The following LANCL2 variants were observed in gnomAD, a reference collection of about 807,000 sequenced individuals.
LANCL2 encodes the protein LanC like glutathione S-transferase 2.
In LANCL2, 33 loss-of-function variants were observed where a neutral mutation model predicts 56.9. The ratio of observed to expected loss-of-function variants is 0.58; its 90% confidence interval spans 0.44 to 0.78. LANCL2 has a LOEUF of 0.78. Ranked by LOEUF, LANCL2 falls within the 30% of genes least tolerant of loss-of-function variation. The pLI is 0.00. For missense variants in LANCL2, 562 were observed against 580.2 expected, an observed-to-expected ratio of 0.97 and a Z score of 0.32; for synonymous variants, 233 against 228.2, an observed-to-expected ratio of 1.02 and a Z score of -0.19.
chr7:55,411,143 C>A (rs1014870734), intron 5 of LANCL2, among the ~76,000 whole-genome samples: 1 of 152,230 alleles, frequency 6.6e-6, no homozygotes, highest in Non-Finnish European at 1.5e-5. Flanking sequence ...CTTAGCCCAG[C>A]TTTGCCATCT....
At chr7:55,381,284 G>A (rs778180612) in intron 1 of LANCL2, among the ~76,000 whole-genome samples, 3 of 152,170 alleles carry the variant, frequency 2.0e-5, no homozygotes, top group Admixed American at 6.5e-5. Flanking sequence ...ACTCAGTGGC[G>A]GCAGGGGTTG....
chr7:55,393,319 G>C (rs1790213195), intron 2 of LANCL2, among the ~76,000 whole-genome samples: 1 of 152,176 alleles, frequency 6.6e-6, no homozygotes, highest in Non-Finnish European at 1.5e-5. Flanking sequence ...GATCACTTGA[G>C]CTCAGGAGTT....
chr7:55,393,634 TG>T (rs1417658770), intron 2 of LANCL2, among the ~76,000 whole-genome samples: 1 of 152,214 alleles, frequency 6.6e-6, no homozygotes, highest in African/African-American at 2.4e-5. Context: ...TTGATAATAT[TG>T]TATTTGTATT....
At chr7:55,410,474 T>A (rs1487481325) in intron 5 of LANCL2, among the ~76,000 whole-genome samples, 4 of 152,230 alleles carry the variant, frequency 2.6e-5, no homozygotes, top group Non-Finnish European at 4.4e-5. Context: ...GAAATGAGGT[T>A]TTTATTTCAT....
chr7:55,424,033 G>T (rs1018740997), intron 6 of LANCL2, among the ~76,000 whole-genome samples: 5 of 152,168 alleles, frequency 3.3e-5, no homozygotes, highest in Non-Finnish European at 7.3e-5. Flanking sequence ...CTTCTCGGCT[G>T]AGTGTCCAGC....
intron 1 of LANCL2, among the ~76,000 whole-genome samples, chr7:55,376,511 C>T (rs1363825331): frequency 2.6e-5 from 4 of 152,202 alleles, no homozygotes; most frequent in Non-Finnish European, 5.9e-5. Context: ...CACCAGGAAG[C>T]CCCCTGACGG....
At chr7:55,430,126 G>A (rs1790712357) in intron 8 of LANCL2, among the ~76,000 whole-genome samples, 1 of 152,192 alleles carries the variant, frequency 6.6e-6, no homozygotes, top group South Asian at 2.1e-4. Context: ...GCTTGTTATG[G>A]GTCCCTGTTT....
chr7:55,392,445 G>A (rs1790202869), intron 2 of LANCL2, among the ~76,000 whole-genome samples: 1 of 151,486 alleles, frequency 6.6e-6, no homozygotes, highest in Non-Finnish European at 1.5e-5. Flanking sequence ...TGACCTCCTG[G>A]GCTCAAACCA....
At chr7:55,389,306 A>G (rs1790159799) in intron 1 of LANCL2, among the ~76,000 whole-genome samples, 2 of 152,294 alleles carry the variant, frequency 1.3e-5, no homozygotes, top group Middle Eastern at 3.4e-3. Context: ...ACTGAACTGC[A>G]GTTTCTCTTA....
intron 2 of LANCL2, among the ~76,000 whole-genome samples, chr7:55,394,517 A>G (rs906373951): frequency 2.0e-5 from 3 of 152,210 alleles, no homozygotes; most frequent in Admixed American, 6.5e-5. Context: ...CCATGATTAC[A>G]CTGCTGCACT....
intron 5 of LANCL2, 129 bp downstream of exon 5, chr7:55,401,449 C>G: frequency 1.6e-6 from 1 of 609,250 alleles, no homozygotes; most frequent in Non-Finnish European, 2.7e-6. Context: ...GTAACTCTGC[C>G]ACATAAACCA....
At chr7:55,405,489 AC>A (rs1790394850) in intron 5 of LANCL2, among the ~76,000 whole-genome samples, 1 of 143,606 alleles carries the variant, frequency 7.0e-6, no homozygotes. Flanking sequence ...TGGTTCAGGA[AC>A]TTTTTTTTTT....
chr7:55,366,341 G>T lies in LANCL2; in HGVS notation c.204+112G>T, dbSNP rs1009513995. 4 of 901,172 alleles carry T rather than the reference G, an allele frequency of 4.4e-6. No individual in the cohort carries two copies. In the South Asian group the frequency reaches 5.7e-5, roughly 13 times the overall value. The allele number at this position is 901,172 out of a possible 1,614,324, so 55.8% of individuals were successfully genotyped here. On this transcript the variant is annotated intron_variant, in intron 1 of 8. Transcript: ENST00000254770. ...CGCGCGCCGGGCTTGGGAGGGCGCGGGATGATAGCGCCTAGCACCTGTCTC... is the reference window on the plus strand; with the variant it reads ...CGCGCGCCGGGCTTGGGAGGGCGCGTGATGATAGCGCCTAGCACCTGTCTC...
At chr7:55,407,450 AAGTT>A (rs1790421461) in intron 5 of LANCL2, among the ~76,000 whole-genome samples, 1 of 152,154 alleles carries the variant, frequency 6.6e-6, no homozygotes, top group Non-Finnish European at 1.5e-5. Context: ...CCCCATTAAA[AAGTT>A]AGTCTGCCAT....
At chr7:55,427,046 C>T (rs748561798) in intron 7 of LANCL2, among the ~76,000 whole-genome samples, 2 of 152,170 alleles carry the variant, frequency 1.3e-5, no homozygotes, top group South Asian at 4.1e-4. Flanking sequence ...CTGCAGAGCA[C>T]GAACCAGCTC....
intron 6 of LANCL2, among the ~76,000 whole-genome samples, chr7:55,423,662 T>C (rs935783776): frequency 1.3e-5 from 2 of 152,176 alleles, no homozygotes; most frequent in African/African-American, 2.4e-5. Context: ...TTCCAGGAGC[T>C]CCATGGATGT....
chr7:55,424,070 A>T (rs147245963), intron 6 of LANCL2, among the ~76,000 whole-genome samples: 47 of 152,188 alleles, frequency 3.1e-4, no homozygotes, highest in South Asian at 8.3e-4. Context: ...GAGGGACCTG[A>T]CCTGCCACCC....
chr7:55,405,334 A>G (rs951898521), intron 5 of LANCL2, among the ~76,000 whole-genome samples: 1 of 152,210 alleles, frequency 6.6e-6, no homozygotes, highest in African/African-American at 2.4e-5. Context: ...GGGGAGGGCC[A>G]TCTGCCTGAC....
chr7:55,411,885 T>A, intron 5 of LANCL2, 22 bp from the exon 6 acceptor site: 1 of 1,590,986 alleles, frequency 6.3e-7, no homozygotes. Flanking sequence ...ATAATTTGTG[T>A]TTCATTTTTG....
Sources: allele counts gnomAD v4.1 joint callset (sites outside exome capture counted in the v4.1 genomes callset), GRCh38; gene constraint gnomAD v4.1.1; transcripts MANE v1.5; gene names NCBI Gene and HGNC (gene_info 2026-07-23, HGNC 2026-07-21).